DDX60L: variants seen among roughly 807,000 people sequenced by gnomAD.
DDX60L encodes the protein probable ATP-dependent RNA helicase DDX60-like.
DDX60L carries 191 observed loss-of-function variants against 211.6 expected under a neutral mutation model. That is an observed-to-expected ratio of 0.90 (90% confidence interval 0.80 to 1.02). The LOEUF is 1.02. Among genes scored for constraint, DDX60L ranks in the 50% least tolerant of loss-of-function variants. DDX60L has a pLI of 0.00. For synonymous variants in DDX60L, 706 were observed against 694.1 expected, an observed-to-expected ratio of 1.02 and a Z score of -0.27; for missense variants, 2,007 against 1,984.1, an observed-to-expected ratio of 1.01 and a Z score of -0.22.
Position 168,435,159 on chromosome 4 carries a change from G to T in DDX60L, c.1295-2044C>A, listed in dbSNP as rs570650622. ...GGTGACTGATGAAGTTTTCTCTCAAGTTCATCTCACAGTGGGTCCCTGAAT... is the reference window on the plus strand; with the variant it reads ...GGTGACTGATGAAGTTTTCTCTCAATTTCATCTCACAGTGGGTCCCTGAAT... On this transcript the variant is annotated intron_variant, in intron 10 of 37. Coordinates refer to ENST00000682922, the MANE Select transcript of DDX60L (RefSeq NM_001012967.3). Among the ~76,000 whole-genome samples, 7 of 152,268 alleles carry T rather than the reference G, an allele frequency of 4.6e-5. No individual in the cohort carries two copies. In the East Asian group the frequency reaches 1.2e-3, roughly 25 times the overall value.
intron 22 of DDX60L, among the ~76,000 whole-genome samples, chr4:168,408,173 C>T (rs969101223): frequency 6.6e-6 from 1 of 152,172 alleles, no homozygotes; most frequent in Non-Finnish European, 1.5e-5. Flanking sequence ...TAATGCTGTG[C>T]TTCTATTTTG....
intron 22 of DDX60L, among the ~76,000 whole-genome samples, chr4:168,408,172 G>C (rs1187160442): frequency 6.6e-6 from 1 of 152,120 alleles, no homozygotes; most frequent in African/African-American, 2.4e-5. Flanking sequence ...CTAATGCTGT[G>C]CTTCTATTTT....
intron 29 of DDX60L, among the ~76,000 whole-genome samples, chr4:168,387,102 G>A (rs1188897700): frequency 6.6e-6 from 1 of 152,176 alleles, no homozygotes; most frequent in Non-Finnish European, 1.5e-5. Flanking sequence ...TATGCCCCTG[G>A]CCAACAGACA....
chr4:168,357,430 G>A lies in DDX60L; in HGVS notation c.*717C>T, dbSNP rs1331297888. The A allele has an allele frequency of 6.6e-6, 1 of 152,280 alleles. No individual in the cohort carries two copies. The highest frequency in any genetic ancestry group is 1.5e-5 in the Non-Finnish European group (1 of 68,144). The allele number at this position is 152,280 out of a possible 1,614,324, so 9.4% of individuals were successfully genotyped here. ...TGGAAAGTTCAAGATCATGGTGTAA[G>A]TAGATTCAGTTCTGTTGAGGGCTTG... is the stretch of plus-strand genomic sequence containing the variant. On this transcript the variant is annotated 3_prime_UTR_variant, in exon 38 of 38. Transcript: ENST00000682922.
chr4:168,370,008 G>C (rs976555566), intron 36 of DDX60L, among the ~76,000 whole-genome samples: 8 of 152,116 alleles, frequency 5.3e-5, no homozygotes, highest in African/African-American at 1.9e-4. Context: ...GGAAAACAGT[G>C]TGTAAATTCT....
At chr4:168,439,464 C>T (rs1411426430) in intron 10 of DDX60L, among the ~76,000 whole-genome samples, 3 of 152,008 alleles carry the variant, frequency 2.0e-5, no homozygotes, top group Non-Finnish European at 4.4e-5. Context: ...TAAGACCTGC[C>T]CTATAAATTT....
At chr4:168,456,720 G>C (rs1182385379) in intron 6 of DDX60L, among the ~76,000 whole-genome samples, 1 of 151,796 alleles carries the variant, frequency 6.6e-6, no homozygotes, top group Non-Finnish European at 1.5e-5. Flanking sequence ...TAGCACAGAG[G>C]AATAATAACC....
intron 29 of DDX60L, among the ~76,000 whole-genome samples, chr4:168,387,968 G>A (rs1161881826): frequency 6.6e-6 from 1 of 152,144 alleles, no homozygotes; most frequent in African/African-American, 2.4e-5. Context: ...ATCACCTCAT[G>A]TCCACAGATT....
At chr4:168,390,066 G>T in intron 29 of DDX60L, 1 of 911,016 alleles carries the variant, frequency 1.1e-6, no homozygotes, top group Non-Finnish European at 1.3e-6. Context: ...AGAAAGGTCT[G>T]CCACCTGACC....
chr4:168,415,591 T>C, intron 21 of DDX60L, 66 bp downstream of exon 21: 1 of 1,429,370 alleles, frequency 7.0e-7, no homozygotes, highest in Non-Finnish European at 9.4e-7. Context: ...AACACAAAAA[T>C]CCCTATAAAA....
chr4:168,448,051 A>C (rs1755100268), intron 9 of DDX60L, among the ~76,000 whole-genome samples: 2 of 152,162 alleles, frequency 1.3e-5, no homozygotes, highest in South Asian at 4.1e-4. Flanking sequence ...AGTTTACAGA[A>C]TATGGAGAGG....
rs910177985 is a variant in DDX60L, at chr4:168,441,544, A to G, written c.1139-52T>C. Reference sequence around the variant, plus strand: ...TCTCAAAAGTCATACACATGCAGACACACACAGAGCATCTTTTTTGAATAA... The same window carrying G: ...TCTCAAAAGTCATACACATGCAGACGCACACAGAGCATCTTTTTTGAATAA... On this transcript the variant is annotated intron_variant, in intron 9 of 37. Coordinates refer to ENST00000682922, the MANE Select transcript of DDX60L (RefSeq NM_001012967.3). The G allele has an allele frequency of 2.9e-6, 4 of 1,402,152 alleles. No individual in the cohort carries two copies. In the Admixed American group the frequency reaches 6.7e-5, roughly 23 times the overall value. 86.9% of individuals were successfully genotyped at this position (1,402,152 alleles called of 1,614,324 possible). A position where few individuals can be genotyped will look rare whatever the true frequency, so the allele number is the denominator to read the frequency against.
chr4:168,406,852 T>C, intron 22 of DDX60L, 146 bp from the exon 23 acceptor site: 1 of 613,060 alleles, frequency 1.6e-6, no homozygotes, highest in South Asian at 2.1e-5. Flanking sequence ...ATATTTCACC[T>C]CTGCAAGGAT....
chr4:168,381,019 A>C (rs561191780), intron 30 of DDX60L, among the ~76,000 whole-genome samples: 3 of 152,334 alleles, frequency 2.0e-5, no homozygotes, highest in East Asian at 3.9e-4. Context: ...GGCAGAAATA[A>C]ATTTCTAAGT....
At position 168,373,752 on chromosome 4, in the gene DDX60L, T is replaced by G. The variant is rs1158261247; in HGVS notation, c.4690A>C (p.Lys1564Gln). 6.2e-7 allele frequency: 1 copy of G among 1,614,126 alleles called. No individual in the cohort carries two copies. The highest frequency in any genetic ancestry group is 8.5e-7 in the Non-Finnish European group (1 of 1,179,958). ...GGTGAAATGGCTACTCTTCCTTTCTTGCAGCTCATCAAGTGAGACACGAGT... is the reference window on the plus strand; with the variant it reads ...GGTGAAATGGCTACTCTTCCTTTCTGGCAGCTCATCAAGTGAGACACGAGT... ...SQLVSHLMSC[K>Q]KGRVAISPFV... The change falls in exon 35 of 38, where the codon AAG (lysine) becomes CAG (glutamine). Residue 1564 changes from lysine (K) to glutamine (Q), a missense_variant. Coordinates refer to ENST00000682922, the MANE Select transcript of DDX60L (RefSeq NM_001012967.3).
Position 168,400,949 on chromosome 4 carries a change from GCT to G in DDX60L, c.3366_3367del (p.Arg1122SerfsTer20), listed in dbSNP as rs1353044306. 2 of 1,613,598 alleles carry G rather than the reference GCT, an allele frequency of 1.2e-6. No individual in the cohort carries two copies. Among genetic ancestry groups the G allele is most frequent in the African/African-American group, 2.7e-5 (2 of 74,918 alleles). On this transcript the variant is annotated frameshift_variant, in exon 26 of 38. Coordinates refer to ENST00000682922, the MANE Select transcript of DDX60L (RefSeq NM_001012967.3). LOFTEE classifies it high-confidence loss of function. ...CTCCAGAAAAGTGCACACACTTCCA[GCT>G]CTTTTTCCCACATCATCATTCTTAA...
intron 8 of DDX60L, among the ~76,000 whole-genome samples, chr4:168,449,487 G>GTGGGGGGGGGGGGGAGGT (rs1755345771): frequency 1.1e-5 from 1 of 88,706 alleles, no homozygotes; most frequent in African/African-American, 4.9e-5. Flanking sequence ...AGGGGGGAGG[G>GTGGGGGGGGGGGGGAGGT]ATAGCATTGG....
intron 34 of DDX60L, 95 bp downstream of exon 34, chr4:168,375,282 T>C (rs1283638312): frequency 1.5e-6 from 2 of 1,363,518 alleles, no homozygotes; most frequent in African/African-American, 1.5e-5. Context: ...AATAAGCTCC[T>C]TTACCAGCTT....
chr4:168,393,497 C>CA (rs1210871165), intron 28 of DDX60L, among the ~76,000 whole-genome samples: 7 of 151,414 alleles, frequency 4.6e-5, no homozygotes, highest in East Asian at 1.9e-4. Context: ...CACCGTCTCA[C>CA]AAAAAAAAGA....
Sources: gnomAD v4.1 joint callset for allele counts (sites outside exome capture counted in the v4.1 genomes callset) on GRCh38, gnomAD v4.1.1 for gene constraint, MANE v1.5 for transcripts, NCBI Gene and HGNC (gene_info 2026-07-23, HGNC 2026-07-21) for gene names.